The following KLHL1 variants were observed in gnomAD, a reference collection of about 807,000 sequenced individuals.
The protein encoded by KLHL1 is kelch like family member 1, also known as kelch-like protein 1.
In KLHL1, 47 loss-of-function variants were observed where a neutral mutation model predicts 77.7. That is an observed-to-expected ratio of 0.60 (90% CI 0.48 to 0.77). The LOEUF (loss-of-function observed/expected upper bound fraction) is 0.77. Among genes scored for constraint, KLHL1 ranks in the 30% least tolerant of loss-of-function variants. KLHL1 has a pLI of 0.00. For synonymous variants in KLHL1, 360 were observed against 325.2 expected (o/e 1.11, Z -1.15); for missense variants, 925 against 910.8 (o/e 1.02, Z -0.20).
intron 6 of KLHL1, among the ~76,000 whole-genome samples, chr13:69,827,104 A>G (rs1459312958): frequency 6.6e-6 from 1 of 151,746 alleles, no homozygotes; most frequent in Non-Finnish European, 1.5e-5. Context: ...AAAACATGTT[A>G]TTAAAAGGTA....
At chr13:69,864,313 C>T (rs1382839698) in intron 5 of KLHL1, among the ~76,000 whole-genome samples, 1 of 151,614 alleles carries the variant, frequency 6.6e-6, no homozygotes, top group Non-Finnish European at 1.5e-5. Flanking sequence ...TAAGAAAAAT[C>T]ATTAAATATG....
intron 4 of KLHL1, among the ~76,000 whole-genome samples, chr13:69,925,263 G>A (rs971847539): frequency 6.6e-6 from 1 of 152,142 alleles, no homozygotes; most frequent in East Asian, 1.9e-4. Flanking sequence ...GCACAGTTCA[G>A]TGAGCTAATG....
At chr13:70,041,044 A>G (rs935250168) in intron 1 of KLHL1, among the ~76,000 whole-genome samples, 1 of 152,120 alleles carries the variant, frequency 6.6e-6, no homozygotes. Context: ...ATTGAATTTT[A>G]CTTTAGATAT....
chr13:69,935,443 A>AAT (rs1883156492), intron 4 of KLHL1, among the ~76,000 whole-genome samples: 1 of 152,166 alleles, frequency 6.6e-6, no homozygotes, highest in African/African-American at 2.4e-5. Context: ...AACAAAAACA[A>AAT]ATATATATTA....
intron 6 of KLHL1, among the ~76,000 whole-genome samples, chr13:69,806,136 A>C (rs2138054813): frequency 6.6e-6 from 1 of 152,308 alleles, no homozygotes; most frequent in African/African-American, 2.4e-5. Flanking sequence ...TATTATATAA[A>C]AATCTAAGAT....
chr13:70,048,234 C>T (rs761237765), intron 1 of KLHL1, among the ~76,000 whole-genome samples: 9 of 152,112 alleles, frequency 5.9e-5, no homozygotes, highest in African/African-American at 1.2e-4. Flanking sequence ...AAATCCTGAA[C>T]GTGGTTCTGT....
chr13:69,817,854 T>A (rs1878181423), intron 6 of KLHL1, among the ~76,000 whole-genome samples: 1 of 152,230 alleles, frequency 6.6e-6, no homozygotes, highest in African/African-American at 2.4e-5. Flanking sequence ...ATGAATTTTT[T>A]ATTCAGTCTG....
chr13:69,791,710 A>C (rs2138028962), intron 7 of KLHL1, among the ~76,000 whole-genome samples: 1 of 152,290 alleles, frequency 6.6e-6, no homozygotes. Flanking sequence ...AAAAGAAGCA[A>C]GGACAGCATG....
chr13:69,722,631 T>A (rs1231753567), intron 8 of KLHL1, among the ~76,000 whole-genome samples: 1 of 151,850 alleles, frequency 6.6e-6, no homozygotes, highest in African/African-American at 2.4e-5. Flanking sequence ...CAAAAGCTAT[T>A]GCCAAAAAAA....
intron 5 of KLHL1, among the ~76,000 whole-genome samples, chr13:69,876,052 A>C (rs1342466912): frequency 6.6e-6 from 1 of 152,186 alleles, no homozygotes; most frequent in African/African-American, 2.4e-5. Flanking sequence ...GTAAGAAAAT[A>C]AGAGTTTTAA....
intron 1 of KLHL1, among the ~76,000 whole-genome samples, chr13:70,048,671 C>A (rs1019641692): frequency 2.6e-5 from 4 of 152,170 alleles, no homozygotes; most frequent in African/African-American, 9.7e-5. Context: ...CAATAGGGTT[C>A]CCCCTTCTGT....
chr13:70,097,888 T>G (rs933142241), intron 1 of KLHL1, among the ~76,000 whole-genome samples: 6 of 40,956 alleles, frequency 1.5e-4, no homozygotes, highest in Admixed American at 2.3e-4. Context: ...TTCCTTTCTG[T>G]TTTTTTTTTT....
intron 4 of KLHL1, among the ~76,000 whole-genome samples, chr13:69,888,294 G>C (rs575934441): frequency 6.6e-6 from 1 of 152,052 alleles, no homozygotes; most frequent in Non-Finnish European, 1.5e-5. Flanking sequence ...TATGGAATTT[G>C]GGGGGACACA....
intron 1 of KLHL1, among the ~76,000 whole-genome samples, chr13:70,081,849 G>T (rs1380505940): frequency 6.6e-6 from 1 of 152,046 alleles, no homozygotes; most frequent in Admixed American, 6.6e-5. Flanking sequence ...ACGGGTTTGT[G>T]GTAATTTGTT....
intron 7 of KLHL1, among the ~76,000 whole-genome samples, chr13:69,777,772 T>C (rs1464702641): frequency 1.3e-5 from 2 of 152,186 alleles, no homozygotes; most frequent in Admixed American, 1.3e-4. Context: ...TTACTCATTG[T>C]ATGTATAACT....
At chr13:69,958,395 C>T (rs151141506) in intron 3 of KLHL1, among the ~76,000 whole-genome samples, 1,557 of 151,762 alleles carry the variant, frequency 0.01, 26 homozygotes, top group African/African-American at 0.035. Context: ...TTTCCCATAT[C>T]TTAATATGTA....
intron 1 of KLHL1, among the ~76,000 whole-genome samples, chr13:70,029,620 G>C (rs1039731342): frequency 5.3e-5 from 8 of 152,118 alleles, no homozygotes; most frequent in Non-Finnish European, 1.2e-4. Context: ...ACATGGAAAG[G>C]AACAACTGGT....
Position 69,807,090 on chromosome 13 carries a change from A to G in KLHL1, c.1415-10128T>C, listed in dbSNP as rs1281310733. Among the ~76,000 whole-genome samples the G allele has an allele frequency of 2.0e-5, 3 of 152,158 alleles. No homozygotes were observed. In the East Asian group the frequency reaches 5.8e-4, roughly 29 times the overall value. On this transcript the variant is annotated intron_variant, in intron 6 of 10. Transcript: ENST00000377844. ...GCCTTTGGCCTGAGTTCAGGCTGAC[A>G]TGAGTGCAACTGTCACCTGATCAAG...
At chr13:69,939,179 G>A (rs929089316) in intron 4 of KLHL1, among the ~76,000 whole-genome samples, 2 of 150,758 alleles carry the variant, frequency 1.3e-5, no homozygotes. Context: ...GTAATATGAT[G>A]GGTATGAGAC....
Sources: allele counts gnomAD v4.1 joint callset (sites outside exome capture counted in the v4.1 genomes callset), GRCh38; gene constraint gnomAD v4.1.1; transcripts MANE v1.5; gene names NCBI Gene and HGNC (gene_info 2026-07-23, HGNC 2026-07-21).